PTPRU: variants seen among roughly 807,000 people sequenced by gnomAD.
The protein encoded by PTPRU is receptor-type tyrosine-protein phosphatase U.
Under a neutral mutation model 166.3 loss-of-function variants are expected in PTPRU, and 69 were observed. The ratio of observed to expected loss-of-function variants is 0.41; its 90% CI spans 0.34 to 0.51. The LOEUF (loss-of-function observed/expected upper bound fraction) is 0.51, where lower values mean the gene tolerates loss of function less well. PTPRU is among the 20% of genes least tolerant of loss of function. The pLI is 0.09. For synonymous variants in PTPRU, 793 were observed against 814.0 expected, an observed-to-expected ratio of 0.97 and a Z score of 0.44; for missense variants, 1,657 against 2,013.7, an observed-to-expected ratio of 0.82 and a Z score of 3.39.
intron 26 of PTPRU, among the ~76,000 whole-genome samples, chr1:29,322,814 A>G (rs892503902): frequency 1.9e-4 from 29 of 152,194 alleles, no homozygotes; most frequent in African/African-American, 6.3e-4. Context: ...GTGTTAGGTC[A>G]TAGGGCTGTA....
rs1236137220 is a variant in PTPRU at position 29,238,470 on chromosome 1, G to T, written c.73+1753G>T. Among the ~76,000 whole-genome samples, 1 of 152,136 alleles carries T rather than the reference G, an allele frequency of 6.6e-6. No homozygotes were observed. Among genetic ancestry groups the T allele is most frequent in the African/African-American group, 2.4e-5 (1 of 41,442 alleles). ...TGCTGGAGCGGAGCCGCTTCCTCAC[G>T]GTCGCCAGCCGCAGACAACTGACCT... On this transcript the variant is annotated intron_variant, in intron 1 of 29. Coordinates refer to ENST00000373779, the MANE Select transcript of PTPRU (RefSeq NM_133178.4). The surrounding 1 kb of genome is among the most constrained non-coding windows in gnomAD (Gnocchi z 6.1).
At chr1:29,323,813 C>T (rs961494515) in intron 28 of PTPRU, 25 bp downstream of exon 28, 51 of 1,598,256 alleles carry the variant, frequency 3.2e-5, no homozygotes, top group Admixed American at 5.0e-5. Context: ...TGTGGGAGGG[C>T]GGGTGGAGGG....
At chr1:29,282,987 G>T (rs773527103) in intron 12 of PTPRU, 38 bp downstream of exon 12, 30 of 1,584,426 alleles carry the variant, frequency 1.9e-5, no homozygotes, top group Non-Finnish European at 2.6e-5. Context: ...GCGTGGTTGG[G>T]TGTGGGGGGA....
At chr1:29,290,122 G>C (rs189063514) in intron 14 of PTPRU, among the ~76,000 whole-genome samples, 43 of 152,338 alleles carry the variant, frequency 2.8e-4, no homozygotes, top group African/African-American at 9.9e-4. Context: ...GCATGTGTGT[G>C]CTTGTGTGCA....
In PTPRU at chr1:29,279,399, C is replaced by T. The variant is rs1023212831; in HGVS notation, c.1564-57C>T. 1.8e-5 allele frequency: 28 copies of T among 1,525,056 alleles called. No homozygotes were observed. The highest frequency in any genetic ancestry group is 2.4e-5 in the Non-Finnish European group (26 of 1,100,394). 94.5% of individuals were successfully genotyped at this position (1,525,056 alleles called of 1,614,324 possible). On this transcript the variant is annotated intron_variant, in intron 9 of 29. Coordinates refer to ENST00000373779, the MANE Select transcript of PTPRU (RefSeq NM_133178.4). This position sits in a 1 kb window ranked among gnomAD's most constrained non-coding sequence, Gnocchi z 5.2. ...CCTGGGACATGGTGGGTGGAGGCTG[C>T]TGGTCAGGGATGCTCTGACCATCCA...
chr1:29,286,882 CCTTA>C (rs904818823), intron 14 of PTPRU, among the ~76,000 whole-genome samples: 11 of 152,306 alleles, frequency 7.2e-5, no homozygotes, highest in Admixed American at 3.3e-4. Context: ...CTCTGGACCT[CCTTA>C]CTTCCTCTAA....
In PTPRU at chr1:29,254,901, C is replaced by G. The variant is rs576748604; in HGVS notation, c.74-374C>G. 2.0e-5 allele frequency among the ~76,000 whole-genome samples: 3 copies of G among 152,282 alleles called. No individual in the cohort carries two copies. In the East Asian group the frequency reaches 5.8e-4, roughly 29 times the overall value. ...CCTTTTGGGGTCTCAGTTTCCTTAT[C>G]CACAAAGTGGAGATGATTCTATTCC... On this transcript the variant is annotated intron_variant, in intron 1 of 29. Transcript: ENST00000373779.
At chr1:29,277,979 G>T (rs377120470) in intron 8 of PTPRU, among the ~76,000 whole-genome samples, 12 of 151,382 alleles carry the variant, frequency 7.9e-5, no homozygotes, top group Non-Finnish European at 1.3e-4. Context: ...CCACTACGCC[G>T]GCTAATTTTT....
intron 1 of PTPRU, among the ~76,000 whole-genome samples, chr1:29,253,012 C>CAGG (rs974762574): frequency 3.1e-4 from 47 of 152,120 alleles, no homozygotes; most frequent in African/African-American, 9.7e-4. Flanking sequence ...CGACCCGCTG[C>CAGG]AGGTTGGGGT....
chr1:29,297,542 C>T (rs553761734), intron 15 of PTPRU, among the ~76,000 whole-genome samples: 4 of 152,082 alleles, frequency 2.6e-5, no homozygotes, highest in South Asian at 4.2e-4. Context: ...GGATTCAGAC[C>T]GCAGAGATGG....
chr1:29,270,615 T>C (rs974374646), intron 7 of PTPRU, among the ~76,000 whole-genome samples: 2 of 152,178 alleles, frequency 1.3e-5, no homozygotes, highest in African/African-American at 4.8e-5. Context: ...CTCCATTTTT[T>C]AGTGGAGGAA....
chr1:29,295,547 A>T (rs1342253058), intron 15 of PTPRU, among the ~76,000 whole-genome samples: 1 of 152,164 alleles, frequency 6.6e-6, no homozygotes, highest in Non-Finnish European at 1.5e-5. Flanking sequence ...AAAATCTTGT[A>T]CATCTTTTTT....
intron 15 of PTPRU, among the ~76,000 whole-genome samples, chr1:29,293,674 C>T (rs1016546534): frequency 2.0e-5 from 3 of 151,796 alleles, no homozygotes; most frequent in Non-Finnish European, 4.4e-5. Context: ...CGGGATTTCA[C>T]CGTGTTAGCC....
In PTPRU at chr1:29,239,326, C is replaced by G. The variant is rs554018940; in HGVS notation, c.73+2609C>G. Among the ~76,000 whole-genome samples the G allele has an allele frequency of 1.4e-3, 216 of 152,282 alleles. 1 individual carries two copies. Among genetic ancestry groups the G allele is most frequent in the African/African-American group, 5.1e-3 (210 of 41,552 alleles). ...GCAAACCTGGTAGTTATTTATTCTG[C>G]TGTGTTCTTGCTATTTTGTCCTTTT... is the stretch of plus-strand genomic sequence containing the variant. On this transcript the variant is annotated intron_variant, in intron 1 of 29. Coordinates refer to ENST00000373779, the MANE Select transcript of PTPRU (RefSeq NM_133178.4).
rs1365617963 is a variant in PTPRU at position 29,269,219 on chromosome 1, C to CAAATAT, written c.1145-6228_1145-6227insAATATA. On this transcript the variant is annotated intron_variant, in intron 7 of 29. Coordinates refer to ENST00000373779, the MANE Select transcript of PTPRU (RefSeq NM_133178.4). ...CCACCATGCCCAGCTAATTTATATA[C>CAAATAT]ATATATATATATATATATATATATA... Among the ~76,000 whole-genome samples, 39 of 42,394 alleles carry CAAATAT rather than the reference C, an allele frequency of 9.2e-4. 1 individual carries two copies. Among genetic ancestry groups the CAAATAT allele is most frequent in the African/African-American group, 2.3e-3 (24 of 10,514 alleles). The allele number at this position is 42,394 out of a possible 152,430, so 27.8% of individuals were successfully genotyped here.
At chr1:29,251,111 G>A (rs143459361) in intron 1 of PTPRU, among the ~76,000 whole-genome samples, 3 of 152,284 alleles carry the variant, frequency 2.0e-5, no homozygotes, top group Non-Finnish European at 2.9e-5. Flanking sequence ...AAACAAGCTG[G>A]GTATGGTGGC....
At chr1:29,249,697 C>T (rs1684464898) in intron 1 of PTPRU, among the ~76,000 whole-genome samples, 2 of 152,174 alleles carry the variant, frequency 1.3e-5, no homozygotes, top group Admixed American at 1.3e-4. Flanking sequence ...AGGCCCCTGT[C>T]CTCACCAGTT....
In PTPRU at chr1:29,259,402, C is replaced by T. The variant is rs750861703; in HGVS notation, c.560-47C>T. ...GGGTGTGGGCGGCCGCGGCTCCTGCCTGCAGGGGGTGCAGGCCCAGCTCAC... is the reference window on the plus strand; with the variant it reads ...GGGTGTGGGCGGCCGCGGCTCCTGCTTGCAGGGGGTGCAGGCCCAGCTCAC... On this transcript the variant is annotated intron_variant, in intron 4 of 29. Transcript: ENST00000373779. The T allele has an allele frequency of 6.2e-6, 10 of 1,608,220 alleles. No homozygotes were observed. In the African/African-American group the frequency reaches 1.2e-4, roughly 19 times the overall value.
chr1:29,304,185 A>T, intron 16 of PTPRU, 140 bp downstream of exon 16: 8 of 995,946 alleles, frequency 8.0e-6, no homozygotes, highest in Non-Finnish European at 1.0e-5. Context: ...AACCTTTTTG[A>T]CCTCGACTCT....
Sources: allele counts gnomAD v4.1 joint callset (sites outside exome capture counted in the v4.1 genomes callset), GRCh38; gene constraint gnomAD v4.1.1; non-coding constraint Gnocchi (gnomAD v3.1); transcripts MANE v1.5; gene names NCBI Gene and HGNC (gene_info 2026-07-23, HGNC 2026-07-21).